The following GRIP1 variants were observed in gnomAD, a reference collection of about 807,000 sequenced individuals.
GRIP1 encodes the protein glutamate receptor-interacting protein 1.
Under a neutral mutation model 129.9 loss-of-function variants are expected in GRIP1, and 45 were observed. The ratio of observed to expected loss-of-function variants is 0.35; its 90% CI spans 0.27 to 0.44. The LOEUF is 0.44. GRIP1 is among the 20% of genes least tolerant of loss of function. The probability of loss-of-function intolerance (pLI) is 1.00; values close to 1 mark genes in which losing one functional copy is unlikely to be tolerated. For missense variants in GRIP1, 1,196 were observed against 1,396.8 expected, an observed-to-expected ratio of 0.86 and a Z score of 2.29; for synonymous variants, 530 against 520.8, an observed-to-expected ratio of 1.02 and a Z score of -0.24.
At chr12:66,540,940 A>G (rs2061758197) in intron 3 of GRIP1, among the ~76,000 whole-genome samples, 1 of 151,770 alleles carries the variant, frequency 6.6e-6, no homozygotes, top group Non-Finnish European at 1.5e-5. Flanking sequence ...CTGGGATTAC[A>G]GGCATGTGCC....
intron 1 of GRIP1, among the ~76,000 whole-genome samples, chr12:66,796,103 C>A (rs1320492626): frequency 6.6e-6 from 1 of 151,974 alleles, no homozygotes; most frequent in African/African-American, 2.4e-5. Context: ...TTTAGACAAT[C>A]CCTAACTTTG....
At chr12:66,959,765 G>A (rs2041895710) in intron 1 of GRIP1, among the ~76,000 whole-genome samples, 1 of 151,898 alleles carries the variant, frequency 6.6e-6, no homozygotes, top group Non-Finnish European at 1.5e-5. Flanking sequence ...TTTTAGGCTA[G>A]TTTAATATTT....
chr12:66,799,036 C>T (rs2038782873), intron 1 of GRIP1, among the ~76,000 whole-genome samples: 2 of 152,264 alleles, frequency 1.3e-5, no homozygotes, highest in Admixed American at 6.5e-5. Context: ...GGGAGTCTGG[C>T]TGCTATTCCC....
At chr12:66,864,727 C>T (rs957510732) in intron 1 of GRIP1, among the ~76,000 whole-genome samples, 5 of 151,954 alleles carry the variant, frequency 3.3e-5, no homozygotes, top group Non-Finnish European at 7.4e-5. Context: ...AAATATAAGA[C>T]CTGTTTATAG....
chr12:66,348,786 G>T lies in GRIP1; in HGVS notation c.*233C>A, dbSNP rs919288577. Reference sequence around the variant, plus strand: ...GGGGGACGGCCTATTTTTCTCTACCGTTGGGACTGGCAGGGCATTGCCCAC... The same window carrying T: ...GGGGGACGGCCTATTTTTCTCTACCTTTGGGACTGGCAGGGCATTGCCCAC... On this transcript the variant is annotated 3_prime_UTR_variant, in exon 25 of 25. Coordinates refer to ENST00000359742, the MANE Select transcript of GRIP1 (RefSeq NM_001366722.1). 1.3e-5 allele frequency: 7 copies of T among 546,876 alleles called. No homozygotes were observed. In the East Asian group the frequency reaches 2.1e-4, roughly 17 times the overall value. 33.9% of individuals were successfully genotyped at this position (546,876 alleles called of 1,614,324 possible).
chr12:66,696,368 T>C (rs967883268), intron 1 of GRIP1, among the ~76,000 whole-genome samples: 3 of 152,050 alleles, frequency 2.0e-5, no homozygotes, highest in African/African-American at 7.2e-5. Context: ...TAAACATTAT[T>C]AAGGACAGTG....
chr12:66,503,283 A>G (rs1383967009), intron 7 of GRIP1, among the ~76,000 whole-genome samples: 1 of 152,132 alleles, frequency 6.6e-6, no homozygotes. Context: ...GGGGCATCCC[A>G]CCAGAAAAGG....
At chr12:66,449,848 C>T (rs2058728633) in intron 11 of GRIP1, among the ~76,000 whole-genome samples, 1 of 152,126 alleles carries the variant, frequency 6.6e-6, no homozygotes, top group African/African-American at 2.4e-5. Context: ...GCTTTTTGGA[C>T]TTAATCAGTA....
intron 1 of GRIP1, among the ~76,000 whole-genome samples, chr12:67,006,961 G>A (rs1477289575): frequency 6.6e-6 from 1 of 152,124 alleles, no homozygotes; most frequent in Non-Finnish European, 1.5e-5. Flanking sequence ...TCTAGAATGG[G>A]AAATAAAACT....
chr12:66,631,098 C>T (rs1379528680), intron 1 of GRIP1, among the ~76,000 whole-genome samples: 4 of 152,034 alleles, frequency 2.6e-5, no homozygotes, highest in East Asian at 1.9e-4. Context: ...CCACCATGCC[C>T]GGCTAATTTT....
intron 1 of GRIP1, among the ~76,000 whole-genome samples, chr12:66,883,176 C>T (rs1270487362): frequency 6.6e-6 from 1 of 152,094 alleles, no homozygotes; most frequent in Non-Finnish European, 1.5e-5. Flanking sequence ...CACATGAAAA[C>T]CCATAATGCC....
chr12:66,837,732 C>T (rs922128412), intron 1 of GRIP1, among the ~76,000 whole-genome samples: 5 of 152,012 alleles, frequency 3.3e-5, no homozygotes, highest in African/African-American at 1.2e-4. Context: ...TAGTTAGAAG[C>T]CTATCGCAAT....
chr12:66,987,474 A>G (rs961176354), intron 1 of GRIP1, among the ~76,000 whole-genome samples: 2 of 152,214 alleles, frequency 1.3e-5, no homozygotes, highest in Admixed American at 1.3e-4. Flanking sequence ...TCTCAGCCAG[A>G]GTAGAATGCT....
chr12:66,797,891 C>T lies in GRIP1; in HGVS notation c.-420+6162G>A, dbSNP rs533634178. On this transcript the variant is annotated intron_variant, in intron 1 of 4. Coordinates refer to the GRIP1 transcript ENST00000538373. ...TTGAATTTGCAAACTCTCACAGGAG[C>T]ATTCTGATTGACCTAGCTGTTTATG... is the stretch of plus-strand genomic sequence containing the variant. Among the ~76,000 whole-genome samples the T allele has an allele frequency of 3.9e-5, 6 of 152,258 alleles. No homozygotes were observed. The East Asian group carries it at 1.2e-3, about 29-fold the overall frequency.
At chr12:66,769,037 T>C (rs2037733678) in intron 1 of GRIP1, among the ~76,000 whole-genome samples, 1 of 152,156 alleles carries the variant, frequency 6.6e-6, no homozygotes, top group African/African-American at 2.4e-5. Context: ...TGAGCTTGCA[T>C]GAGAATCATC....
intron 7 of GRIP1, among the ~76,000 whole-genome samples, chr12:66,477,379 GGA>G: frequency 6.6e-6 from 1 of 151,710 alleles, no homozygotes; most frequent in African/African-American, 2.4e-5. Flanking sequence ...AAATAAAAGA[GGA>G]TACAAACAAA....
chr12:66,771,519 T>C (rs996950621), intron 1 of GRIP1, among the ~76,000 whole-genome samples: 1 of 152,088 alleles, frequency 6.6e-6, no homozygotes, highest in Non-Finnish European at 1.5e-5. Context: ...ATCCATAGGG[T>C]ATATGTTAAG....
At chr12:66,989,384 T>C (rs745487149) in intron 1 of GRIP1, among the ~76,000 whole-genome samples, 14 of 152,160 alleles carry the variant, frequency 9.2e-5, no homozygotes, top group African/African-American at 2.4e-5. Context: ...AAGCGTCAAA[T>C]TTGGGAGTTA....
At chr12:66,680,874 T>C (rs2034558306), upstream of GRIP1, among the ~76,000 whole-genome samples, 2 of 152,184 alleles carry the variant, frequency 1.3e-5, no homozygotes, top group African/African-American at 4.8e-5. Context: ...AGGAATCTCT[T>C]GCCTTCTGCT....
Sources: gnomAD v4.1 joint callset for allele counts (sites outside exome capture counted in the v4.1 genomes callset) on GRCh38, gnomAD v4.1.1 for gene constraint, MANE v1.5 for transcripts, NCBI Gene and HGNC (gene_info 2026-07-23, HGNC 2026-07-21) for gene names.